ZMYM2: variants seen among roughly 807,000 people sequenced by gnomAD.
ZMYM2 encodes the protein zinc finger MYM-type containing 2, also known as zinc finger MYM-type protein 2.
ZMYM2 carries 56 observed loss-of-function variants against 162.8 expected under a neutral mutation model. The observed-to-expected ratio is 0.34, with a 90% CI of 0.28 to 0.43. The LOEUF (loss-of-function observed/expected upper bound fraction) is 0.43. Among genes scored for constraint, ZMYM2 ranks in the 20% least tolerant of loss-of-function variants. The pLI, the probability that ZMYM2 is intolerant of heterozygous loss-of-function variation, is 1.00. For synonymous variants in ZMYM2, 510 were observed against 541.6 expected (o/e 0.94, Z 0.81); for missense variants, 1,275 against 1,621.8 (o/e 0.79, Z 3.67).
At position 20,087,635 on chromosome 13, in the gene ZMYM2, A is replaced by G. The variant is rs1341621341; in HGVS notation, c.*1621A>G. The G allele has an allele frequency of 1.1e-5, 2 of 184,396 alleles. No individual in the cohort carries two copies. The highest frequency in any genetic ancestry group is 2.3e-5 in the Non-Finnish European group (2 of 86,784). The allele number at this position is 184,396 out of a possible 1,614,324, so 11.4% of individuals were successfully genotyped here. ...AATTTCACAGGTGTCATTATTGTATATCTAAGCAATAATTATCTGAATGTT... is the reference window on the plus strand; with the variant it reads ...AATTTCACAGGTGTCATTATTGTATGTCTAAGCAATAATTATCTGAATGTT... On this transcript the variant is annotated 3_prime_UTR_variant, in exon 25 of 25. Coordinates refer to ENST00000610343, the MANE Select transcript of ZMYM2 (RefSeq NM_197968.4).
the ZMYM2 span, among the ~76,000 whole-genome samples, chr13:19,902,276 T>C: frequency 6.6e-6 from 1 of 152,340 alleles, no homozygotes; most frequent in African/African-American, 2.4e-5. Flanking sequence ...TTAATGGGCA[T>C]AGCTTCCGTT....
At chr13:20,071,094 TC>T (rs1813600806) in intron 21 of ZMYM2, 1 of 152,472 alleles carries the variant, frequency 6.6e-6, no homozygotes, top group South Asian at 2.1e-4. Context: ...TCAAAAGTCT[TC>T]TGGTTTTTTT....
At chr13:19,942,433 T>C in the ZMYM2 span, among the ~76,000 whole-genome samples, 1 of 151,828 alleles carries the variant, frequency 6.6e-6, no homozygotes, top group Non-Finnish European at 1.5e-5. Flanking sequence ...TTTAAAGGAA[T>C]GATGGTAAGT....
At chr13:19,991,919 TA>T (rs1949661432) in intron 2 of ZMYM2, among the ~76,000 whole-genome samples, 1 of 152,192 alleles carries the variant, frequency 6.6e-6, no homozygotes, top group African/African-American at 2.4e-5. Flanking sequence ...CTTTTACTTG[TA>T]GTCTCCCTCT....
intron 21 of ZMYM2, 57 bp from the exon 22 acceptor site, chr13:20,081,959 C>CT (rs1274020858): frequency 1.8e-6 from 2 of 1,096,996 alleles, no homozygotes; most frequent in African/African-American, 1.7e-5. Flanking sequence ...AATATGTTTA[C>CT]TATAATTAGC....
chr13:20,018,896 A>G (rs993713962), intron 6 of ZMYM2, among the ~76,000 whole-genome samples: 2 of 152,156 alleles, frequency 1.3e-5, no homozygotes, highest in African/African-American at 4.8e-5. Flanking sequence ...CCTGGCCAAC[A>G]TGGTGAAACC....
At chr13:19,939,928 T>C in the ZMYM2 span, among the ~76,000 whole-genome samples, 1 of 152,224 alleles carries the variant, frequency 6.6e-6, no homozygotes, top group African/African-American at 2.4e-5. Context: ...TGTGGACTAC[T>C]ACACAACAGT....
chr13:20,017,148 T>TA (rs1315048440), intron 6 of ZMYM2, among the ~76,000 whole-genome samples: 1 of 152,214 alleles, frequency 6.6e-6, no homozygotes, highest in African/African-American at 2.4e-5. Context: ...TTAAGGTGTC[T>TA]AATTACCACC....
At position 20,052,272 on chromosome 13, in the gene ZMYM2, T is replaced by C. The variant is rs1955428765; in HGVS notation, c.2459-5T>C. The C allele has an allele frequency of 6.4e-7, 1 of 1,556,654 alleles. No homozygotes were observed. On this transcript the variant is annotated splice_region_variant and splice_polypyrimidine_tract_variant and intron_variant, in intron 13 of 24. Transcript: ENST00000610343. ...TCTTATTTTAAATTTTTTTGTGTTTTTTAGATCAGGGTTGTCAGACATCTC... is the reference window on the plus strand; with the variant it reads ...TCTTATTTTAAATTTTTTTGTGTTTCTTAGATCAGGGTTGTCAGACATCTC...
At chr13:20,075,875 C>A (rs1271462355) in intron 21 of ZMYM2, among the ~76,000 whole-genome samples, 1 of 151,398 alleles carries the variant, frequency 6.6e-6, no homozygotes, top group Non-Finnish European at 1.5e-5. Flanking sequence ...CCCCCCCATC[C>A]CGTAGAGACG....
At chr13:19,934,578 C>T in the ZMYM2 span, among the ~76,000 whole-genome samples, 43 of 152,082 alleles carry the variant, frequency 2.8e-4, no homozygotes, top group Non-Finnish European at 1.5e-5. Context: ...AAATTTTTAT[C>T]ATTATCTATA....
intron 10 of ZMYM2, 28 bp downstream of exon 10, chr13:20,031,463 T>C (rs9509009): frequency 0.03 from 42,496 of 1,395,752 alleles, 1,264 homozygotes; most frequent in East Asian, 0.17. Flanking sequence ...ATGTGTGTTA[T>C]CTAATGCTAA....
chr13:20,006,283 A>T, intron 5 of ZMYM2, 91 bp from the exon 6 acceptor site: 1 of 1,304,068 alleles, frequency 7.7e-7, no homozygotes, highest in Non-Finnish European at 1.0e-6. Flanking sequence ...AAGCCTTATT[A>T]GGACATCTTT....
upstream of ZMYM2, among the ~76,000 whole-genome samples, chr13:19,953,966 G>A (rs139338798): frequency 2.1e-3 from 315 of 151,696 alleles, no homozygotes; most frequent in African/African-American, 7.4e-3. Flanking sequence ...GACAGTGAAA[G>A]ATAATTATTC....
the ZMYM2 span, among the ~76,000 whole-genome samples, chr13:19,953,000 G>A: frequency 2.6e-5 from 4 of 152,132 alleles, no homozygotes; most frequent in African/African-American, 9.7e-5. Flanking sequence ...TGTAGGACTG[G>A]GCTTGTCCCT....
the ZMYM2 span, among the ~76,000 whole-genome samples, chr13:19,927,191 A>T: frequency 6.8e-6 from 1 of 146,878 alleles, no homozygotes; most frequent in Non-Finnish European, 1.6e-5. Context: ...ATTTGTTATT[A>T]AAAAAATTGT....
At chr13:20,073,700 G>A (rs982084474) in intron 21 of ZMYM2, among the ~76,000 whole-genome samples, 11 of 152,096 alleles carry the variant, frequency 7.2e-5, no homozygotes, top group African/African-American at 2.7e-4. Flanking sequence ...GCTATCACAG[G>A]AAGTTGAATC....
the ZMYM2 span, among the ~76,000 whole-genome samples, chr13:19,889,067 C>A: frequency 6.6e-6 from 1 of 151,838 alleles, no homozygotes; most frequent in African/African-American, 2.4e-5. Context: ...TCTCTGTTGG[C>A]CCCTCTGTTT....
At chr13:19,901,836 A>G in the ZMYM2 span, among the ~76,000 whole-genome samples, 3 of 152,092 alleles carry the variant, frequency 2.0e-5, no homozygotes, top group Non-Finnish European at 4.4e-5. Context: ...TCTGTTACCC[A>G]GGCTGCAGTG....
Sources: gnomAD v4.1 joint callset for allele counts (sites outside exome capture counted in the v4.1 genomes callset) on GRCh38, gnomAD v4.1.1 for gene constraint, MANE v1.5 for transcripts, NCBI Gene and HGNC (gene_info 2026-07-23, HGNC 2026-07-21) for gene names.